Variants in JAKMIP1 observed in about 807,000 individuals in gnomAD.
The protein encoded by JAKMIP1 is janus kinase and microtubule-interacting protein 1.
JAKMIP1 carries 33 observed loss-of-function variants against 113.0 expected under a neutral mutation model. The observed-to-expected ratio is 0.29, with a 90% CI of 0.22 to 0.39. The LOEUF (loss-of-function observed/expected upper bound fraction) is 0.39, where lower values mean the gene tolerates loss of function less well. JAKMIP1 is among the 10% of genes least tolerant of loss of function. The pLI, the probability that JAKMIP1 is intolerant of heterozygous loss-of-function variation, is 1.00. For missense variants in JAKMIP1, 813 were observed against 1,080.5 expected, an observed-to-expected ratio of 0.75 and a Z score of 3.47; for synonymous variants, 480 against 459.9, an observed-to-expected ratio of 1.04 and a Z score of -0.56.
At chr4:6,171,175 T>C (rs1353535986) in intron 1 of JAKMIP1, among the ~76,000 whole-genome samples, 14 of 107,502 alleles carry the variant, frequency 1.3e-4, no homozygotes, top group Middle Eastern at 8.1e-3. Flanking sequence ...CCATCACCAT[T>C]ACCACCACCA....
chr4:6,118,079 C>T (rs1304469712), intron 1 of JAKMIP1, among the ~76,000 whole-genome samples: 1 of 152,176 alleles, frequency 6.6e-6, no homozygotes, highest in Non-Finnish European at 1.5e-5. Flanking sequence ...TAGGAAATCA[C>T]AAGGGTATTG....
In JAKMIP1 at chr4:6,112,829, T is replaced by G; in HGVS notation, c.22A>C (p.Lys8Gln). The G allele has an allele frequency of 1.2e-6, 2 of 1,613,998 alleles. No homozygotes were observed. Among genetic ancestry groups the G allele is most frequent in the Non-Finnish European group, 1.7e-6 (2 of 1,180,012 alleles). The change falls in exon 2 of 21, where the codon AAG (lysine) becomes CAG (glutamine). Residue 8 changes from lysine (K) to glutamine (Q), a missense_variant. Physicochemically the swap from Lys to Gln is moderately conservative, Grantham distance 53. This residue lies in a region of JAKMIP1 where 540 missense variants were observed against 653.9 expected (regional missense o/e 0.83). Coordinates refer to ENST00000409021, the MANE Select transcript of JAKMIP1 (RefSeq NM_001099433.2). ...GTCTCCATCTCGGGCTTCTCGCCCT[T>G]GCTCCGGCCTTTCTTCGACATGCTT... Reference protein sequence around the residue: MSKKGRSKGEKPEMETDA... With the variant: MSKKGRSQGEKPEMETDA...
At chr4:6,196,610 T>C (rs1727872362) in intron 1 of JAKMIP1, among the ~76,000 whole-genome samples, 1 of 151,912 alleles carries the variant, frequency 6.6e-6, no homozygotes, top group Non-Finnish European at 1.5e-5. Context: ...TCCCAGCACG[T>C]TGGGAGGCCG....
rs1204079585 is a variant in JAKMIP1, at chr4:6,031,080, G to C, written c.2380-1299C>G. Among the ~76,000 whole-genome samples the C allele has an allele frequency of 6.6e-6, 1 of 152,178 alleles. No homozygotes were observed. The highest frequency in any genetic ancestry group is 1.5e-5 in the Non-Finnish European group (1 of 68,042). ...CCCCTTATAGTTCAATTACCGTTCAGACAATAGCAGCATACACATAAATAG... is the reference window on the plus strand; with the variant it reads ...CCCCTTATAGTTCAATTACCGTTCACACAATAGCAGCATACACATAAATAG... On this transcript the variant is annotated intron_variant, in intron 19 of 20. Transcript: ENST00000409021. The surrounding 1 kb of genome is among the most constrained non-coding windows in gnomAD (Gnocchi z 4.4).
rs1347814333 is a variant in JAKMIP1 at position 6,179,121 on chromosome 4, T to C, written c.-148+21132A>G. On this transcript the variant is annotated intron_variant, in intron 1 of 20. Coordinates refer to ENST00000409021, the MANE Select transcript of JAKMIP1 (RefSeq NM_001099433.2). The surrounding 1 kb of genome is among the most constrained non-coding windows in gnomAD (Gnocchi z 4.5). ...GCTTTTCAAACCTTTGTTGCTCTTT[T>C]TCATGAAATGGTCTTAGAAGGACCC... Among the ~76,000 whole-genome samples, 1 of 152,216 alleles carries C rather than the reference T, an allele frequency of 6.6e-6. No individual in the cohort carries two copies. The highest frequency in any genetic ancestry group is 1.5e-5 in the Non-Finnish European group (1 of 68,034).
chr4:6,127,253 G>A (rs1239066792), intron 1 of JAKMIP1, among the ~76,000 whole-genome samples: 1 of 152,206 alleles, frequency 6.6e-6, no homozygotes, highest in Non-Finnish European at 1.5e-5. Context: ...GCCACAGCAA[G>A]CCCGGGGGCA....
rs1176412802 is a variant in JAKMIP1 at position 6,049,986 on chromosome 4, CT to C, written c.1909-115del. 59 of 740,290 alleles carry C rather than the reference CT, an allele frequency of 8.0e-5. No homozygotes were observed. The highest frequency in any genetic ancestry group is 3.1e-4 in the Admixed American group (12 of 39,254). 45.9% of individuals were successfully genotyped at this position (740,290 alleles called of 1,614,324 possible). A position where few individuals can be genotyped will look rare whatever the true frequency, so the allele number is the denominator to read the frequency against. On this transcript the variant is annotated intron_variant, in intron 14 of 20. Transcript: ENST00000409021. This position sits in a 1 kb window ranked among gnomAD's most constrained non-coding sequence, Gnocchi z 7.0. ...GACACCGCGCTCTTTCTTTTCTTTT[CT>C]GGCCAAGTTTTGCGCCCAGCCGTTC...
chr4:6,079,070 A>G, intron 7 of JAKMIP1, 72 bp from the exon 8 acceptor site: 1 of 1,546,470 alleles, frequency 6.5e-7, no homozygotes, highest in South Asian at 1.1e-5. Context: ...CTGGCTCTCA[A>G]AGGGAGCTGG....
chr4:6,087,822 G>A (rs1237989522), intron 3 of JAKMIP1, among the ~76,000 whole-genome samples: 4 of 152,080 alleles, frequency 2.6e-5, no homozygotes, highest in African/African-American at 4.8e-5. Context: ...TGATATCCTG[G>A]CCCCTGCAAT....
intron 11 of JAKMIP1, among the ~76,000 whole-genome samples, chr4:6,058,522 C>A (rs1257647658): frequency 6.6e-6 from 1 of 152,248 alleles, no homozygotes; most frequent in Non-Finnish European, 1.5e-5. Context: ...GCAACTTCCT[C>A]TTTCCCTTTG....
rs1325796681 is a variant in JAKMIP1, at chr4:6,059,399, T to C, written c.1644+1025A>G. Among the ~76,000 whole-genome samples the C allele has an allele frequency of 6.6e-6, 1 of 152,148 alleles. No homozygotes were observed. Among genetic ancestry groups the C allele is most frequent in the African/African-American group, 2.4e-5 (1 of 41,440 alleles). On this transcript the variant is annotated intron_variant, in intron 11 of 20. Transcript: ENST00000409021. The surrounding 1 kb of genome is among the most constrained non-coding windows in gnomAD (Gnocchi z 4.8). ...CTGGAGCTGCTTCTGTTAAGCCGCC[T>C]GGAACCTCTTACACCCCTTGCTTCA...
Position 6,193,354 on chromosome 4 carries a change from T to C in JAKMIP1, c.-148+6899A>G, listed in dbSNP as rs1414232283. Among the ~76,000 whole-genome samples, 1 of 152,208 alleles carries C rather than the reference T, an allele frequency of 6.6e-6. No homozygotes were observed. Among genetic ancestry groups the C allele is most frequent in the Non-Finnish European group, 1.5e-5 (1 of 68,032 alleles). The stretch of plus-strand genomic sequence containing the variant: ...CAGCCCATCGTGAGACTTTACCTTG[T>C]GATCGGTGAGTCAATTCTCCTTAAT... On this transcript the variant is annotated intron_variant, in intron 1 of 20. Transcript: ENST00000409021. The surrounding 1 kb of genome is among the most constrained non-coding windows in gnomAD (Gnocchi z 6.4).
intron 20 of JAKMIP1, 26 bp from the exon 21 acceptor site, chr4:6,026,304 G>T (rs1245034627): frequency 1.8e-6 from 2 of 1,098,638 alleles, no homozygotes; most frequent in Non-Finnish European, 2.7e-6. Flanking sequence ...AAAAGAAAAT[G>T]AGGAAAAGAG....
rs75865856 is a variant in JAKMIP1, at chr4:6,160,423, A to G, written c.-148+39830T>C. On this transcript the variant is annotated intron_variant, in intron 1 of 20. Coordinates refer to ENST00000409021, the MANE Select transcript of JAKMIP1 (RefSeq NM_001099433.2). ...AAATTACACAGAATGTTCAGGAAAGAGAAGAAAATGTGATTTCTTTATTAA... is the reference window on the plus strand; with the variant it reads ...AAATTACACAGAATGTTCAGGAAAGGGAAGAAAATGTGATTTCTTTATTAA... Among the ~76,000 whole-genome samples, 75 of 152,350 alleles carry G rather than the reference A, an allele frequency of 4.9e-4. 1 individual carries two copies. In the East Asian group the frequency reaches 0.014, roughly 29 times the overall value.
rs71984154 is a variant in JAKMIP1 at position 6,139,055 on chromosome 4, A to AACACACACAC, written c.-147-26068_-147-26059dup. ...ATTGTTTGCATGTGACATCATTAGA[A>AACACACACAC]ACACACACACACACACACACACACA... On this transcript the variant is annotated intron_variant, in intron 1 of 20. Coordinates refer to ENST00000409021, the MANE Select transcript of JAKMIP1 (RefSeq NM_001099433.2). The surrounding 1 kb of genome is among the most constrained non-coding windows in gnomAD (Gnocchi z 5.2). Among the ~76,000 whole-genome samples the AACACACACAC allele has an allele frequency of 2.9e-5, 3 of 103,492 alleles. No homozygotes were observed. The highest frequency in any genetic ancestry group is 3.1e-4 in the East Asian group (1 of 3,176). 67.9% of individuals were successfully genotyped at this position (103,492 alleles called of 152,430 possible).
At chr4:6,066,957 C>T (rs1219018648) in intron 8 of JAKMIP1, among the ~76,000 whole-genome samples, 1 of 152,142 alleles carries the variant, frequency 6.6e-6, no homozygotes, top group Non-Finnish European at 1.5e-5. Context: ...CGCTCTTCCC[C>T]AGAATCCACA....
intron 8 of JAKMIP1, among the ~76,000 whole-genome samples, chr4:6,071,196 T>C (rs6842183): frequency 0.48 from 73,478 of 152,134 alleles, 21,187 homozygotes; most frequent in Non-Finnish European, 0.66. Context: ...CTTTAAGCCA[T>C]GTTTCCTAAT....
chr4:6,055,240 G>A (rs539267383), intron 12 of JAKMIP1, among the ~76,000 whole-genome samples: 26 of 152,124 alleles, frequency 1.7e-4, no homozygotes, highest in African/African-American at 5.3e-4. Context: ...GCCAGGGGCC[G>A]GGAGGCAGGG....
chr4:6,068,516 C>A (rs1458396696), intron 8 of JAKMIP1, among the ~76,000 whole-genome samples: 4 of 152,000 alleles, frequency 2.6e-5, no homozygotes, highest in Admixed American at 2.6e-4. Context: ...TGGGACCCAA[C>A]CCCTCAGGTT....
Sources: allele counts gnomAD v4.1 joint callset (sites outside exome capture counted in the v4.1 genomes callset), GRCh38; gene constraint gnomAD v4.1.1; regional missense constraint gnomAD v4.1.1; non-coding constraint Gnocchi (gnomAD v3.1); transcripts MANE v1.5; gene names NCBI Gene and HGNC (gene_info 2026-07-23, HGNC 2026-07-21).